The following MAGI1 variants were observed in gnomAD, a reference collection of about 807,000 sequenced individuals.
MAGI1 encodes membrane associated guanylate kinase, WW and PDZ domain containing 1, also known as membrane-associated guanylate kinase, WW and PDZ domain-containing protein 1.
A neutral mutation model predicts 139.9 loss-of-function variants in MAGI1; 58 were observed. That is an observed-to-expected ratio of 0.41 (90% CI 0.34 to 0.52). MAGI1 has a LOEUF of 0.52. Ranked by LOEUF, MAGI1 falls within the 20% of genes least tolerant of loss-of-function variation. The pLI is 0.12. For synonymous variants in MAGI1, 812 were observed against 737.9 expected, an observed-to-expected ratio of 1.10 and a Z score of -1.63; for missense variants, 1,874 against 1,901.6, an observed-to-expected ratio of 0.99 and a Z score of 0.27.
chr3:66,038,131 C>T lies in MAGI1; in HGVS notation c.178G>A (p.Glu60Lys). ...TCCCCTTCGCCCAGCCTCGGGCCCT[C>T]GCCGCCGCCGGGAAGCCCCGCTGCC... ...VEAAGLPGGGEGPRLGEGELL... is the reference protein window; with the variant it reads ...VEAAGLPGGGKGPRLGEGELL... The change falls in exon 1 of 23, where the codon GAG (glutamate) becomes AAG (lysine). Residue 60 changes from glutamate to lysine, a missense_variant. Around this residue, in one of 5 missense-constraint regions of MAGI1, gnomAD observed 648 missense variants for 598.1 expected, o/e 1.08. Coordinates refer to ENST00000402939, the MANE Select transcript of MAGI1 (RefSeq NM_001033057.2). 1 of 1,612,200 alleles carries T rather than the reference C, an allele frequency of 6.2e-7. No individual in the cohort carries two copies. The highest frequency in any genetic ancestry group is 8.5e-7 in the Non-Finnish European group (1 of 1,179,520).
intron 1 of MAGI1, among the ~76,000 whole-genome samples, chr3:66,024,407 A>G (rs187547681): frequency 4.0e-5 from 6 of 151,796 alleles, no homozygotes; most frequent in South Asian, 2.1e-4. Context: ...ATGTTCCTAC[A>G]TGGCAGCAAG....
At chr3:65,809,997 C>T (rs1186989689) in intron 1 of MAGI1, among the ~76,000 whole-genome samples, 3 of 152,072 alleles carry the variant, frequency 2.0e-5, no homozygotes, top group African/African-American at 7.2e-5. Flanking sequence ...CTCTCCCTCT[C>T]TCTCACACAC....
In MAGI1 at chr3:65,605,473, T is replaced by C. The variant is rs931238048; in HGVS notation, c.430+16499A>G. On this transcript the variant is annotated intron_variant, in intron 2 of 22. Coordinates refer to ENST00000402939, the MANE Select transcript of MAGI1 (RefSeq NM_001033057.2). ...GCTGGGGAGTATGATATGAAAGTAA[T>C]TGTGCTTCCTGTAGGCCATGCACAA... Among the ~76,000 whole-genome samples, 11 of 152,294 alleles carry C rather than the reference T, an allele frequency of 7.2e-5. No individual in the cohort carries two copies. The South Asian group carries it at 1.0e-3, about 14-fold the overall frequency.
intron 12 of MAGI1, among the ~76,000 whole-genome samples, chr3:65,417,235 G>T (rs1946290936): frequency 6.6e-6 from 1 of 152,126 alleles, no homozygotes; most frequent in African/African-American, 2.4e-5. Context: ...TTAATACTTA[G>T]GTGATGGGAT....
At chr3:65,690,528 G>C (rs1245719043) in intron 1 of MAGI1, among the ~76,000 whole-genome samples, 1 of 151,994 alleles carries the variant, frequency 6.6e-6, no homozygotes, top group Non-Finnish European at 1.5e-5. Context: ...TCAGGCTGGA[G>C]TGCAGTGTCA....
At chr3:65,773,459 G>A (rs1173286120) in intron 1 of MAGI1, among the ~76,000 whole-genome samples, 1 of 152,166 alleles carries the variant, frequency 6.6e-6, no homozygotes, top group Non-Finnish European at 1.5e-5. Flanking sequence ...CTTGAGCCTG[G>A]GAGGTGGAGT....
At chr3:65,847,273 T>C (rs570311261) in intron 1 of MAGI1, among the ~76,000 whole-genome samples, 17 of 152,204 alleles carry the variant, frequency 1.1e-4, no homozygotes, top group Non-Finnish European at 2.9e-5. Flanking sequence ...ACATAAAATC[T>C]GAGGCAGATG....
At chr3:65,654,560 C>A (rs148151557) in intron 1 of MAGI1, among the ~76,000 whole-genome samples, 9 of 152,226 alleles carry the variant, frequency 5.9e-5, no homozygotes, top group Admixed American at 2.0e-4. Context: ...GCTTCAAATT[C>A]AAATCTCCAT....
intron 1 of MAGI1, among the ~76,000 whole-genome samples, chr3:66,020,754 AAC>A (rs1356238523): frequency 6.6e-6 from 1 of 152,206 alleles, no homozygotes; most frequent in African/African-American, 2.4e-5. Context: ...ACCTCGGGGT[AAC>A]ACAGAGTCTC....
At chr3:65,849,092 C>T (rs1043292781) in intron 1 of MAGI1, among the ~76,000 whole-genome samples, 2 of 128,528 alleles carry the variant, frequency 1.6e-5, no homozygotes, top group Non-Finnish European at 3.1e-5. Flanking sequence ...GGCGCAATCT[C>T]GGCTCACTGG....
At chr3:65,440,637 T>G (rs1948219722) in intron 8 of MAGI1, among the ~76,000 whole-genome samples, 1 of 152,162 alleles carries the variant, frequency 6.6e-6, no homozygotes, top group Non-Finnish European at 1.5e-5. Context: ...CACTCACATC[T>G]GTTAACTATT....
chr3:65,860,668 G>A (rs2036074), intron 1 of MAGI1, among the ~76,000 whole-genome samples: 63,504 of 152,026 alleles, frequency 0.42, 16,427 homozygotes, highest in African/African-American at 0.7. Context: ...TGTCCTCCCC[G>A]TGGCAGCCAG....
At chr3:65,829,543 A>T (rs996738436) in intron 1 of MAGI1, among the ~76,000 whole-genome samples, 11 of 152,206 alleles carry the variant, frequency 7.2e-5, no homozygotes, top group Non-Finnish European at 1.6e-4. Context: ...TGGTGCCTTG[A>T]TCTTGGACTT....
intron 1 of MAGI1, among the ~76,000 whole-genome samples, chr3:65,737,976 A>G (rs986132379): frequency 6.6e-6 from 1 of 152,200 alleles, no homozygotes; most frequent in Non-Finnish European, 1.5e-5. Context: ...CTAACTTGAA[A>G]ATAAAAACTC....
chr3:65,371,976 G>T, intron 18 of MAGI1: 2 of 389,578 alleles, frequency 5.1e-6, no homozygotes, highest in South Asian at 4.0e-5. Context: ...AGTCATCCAT[G>T]AAGGTTGGAA....
In MAGI1 at chr3:65,379,493, C is replaced by T. The variant is rs890720692; in HGVS notation, c.2763G>A (p.Pro921=). Residue 921 remains proline (P), a synonymous_variant, in exon 17 of 23, where the codon CCG becomes CCA. Transcript: ENST00000402939. ...PASSHHSSNQ[P]ASLTEEKRTP... ...TGCGCTTCTCTTCTGTCAGCGAGGC[C>T]GGCTGGTTGCTACTGTGATGAGAGG... The T allele has an allele frequency of 1.9e-6, 3 of 1,613,796 alleles. No individual in the cohort carries two copies. Among genetic ancestry groups the T allele is most frequent in the East Asian group, 2.2e-5 (1 of 44,882 alleles).
chr3:65,412,692 T>G (rs1289708490), intron 12 of MAGI1, among the ~76,000 whole-genome samples: 1 of 152,194 alleles, frequency 6.6e-6, no homozygotes, highest in East Asian at 1.9e-4. Context: ...CCTTTCTTTT[T>G]ATAGCCATCA....
At chr3:65,818,686 A>T (rs897570701) in intron 1 of MAGI1, among the ~76,000 whole-genome samples, 2 of 152,208 alleles carry the variant, frequency 1.3e-5, no homozygotes, top group African/African-American at 4.8e-5. Context: ...GAGGCCAGAG[A>T]ATAAGCAGGA....
At chr3:65,470,848 G>A (rs1950516899) in intron 4 of MAGI1, among the ~76,000 whole-genome samples, 1 of 152,154 alleles carries the variant, frequency 6.6e-6, no homozygotes, top group Non-Finnish European at 1.5e-5. Context: ...TCATTCCATA[G>A]GTATCATTTG....
Sources: gnomAD v4.1 joint callset for allele counts (sites outside exome capture counted in the v4.1 genomes callset) on GRCh38, gnomAD v4.1.1 for gene constraint, gnomAD v4.1.1 regional missense constraint, MANE v1.5 for transcripts, NCBI Gene and HGNC (gene_info 2026-07-23, HGNC 2026-07-21) for gene names.